The following TAOK2 variants were observed in gnomAD, a reference collection of about 807,000 sequenced individuals.
TAOK2 encodes the protein serine/threonine-protein kinase TAO2.
A neutral mutation model predicts 122.5 loss-of-function variants in TAOK2; 42 were observed. That is an observed-to-expected ratio of 0.34 (90% CI 0.27 to 0.44). The LOEUF (loss-of-function observed/expected upper bound fraction) is 0.44. Ranked by LOEUF, TAOK2 falls within the 20% of genes least tolerant of loss-of-function variation. The pLI is 1.00. For synonymous variants in TAOK2, 704 were observed against 677.6 expected, an observed-to-expected ratio of 1.04 and a Z score of -0.61; for missense variants, 1,264 against 1,644.9, an observed-to-expected ratio of 0.77 and a Z score of 4.01.
At position 29,986,189 on chromosome 16, in the gene TAOK2, C is replaced by A. The variant is rs751681982; in HGVS notation, c.1993-76C>A. The A allele has an allele frequency of 6.7e-7, 1 of 1,498,742 alleles. No homozygotes were observed. The highest frequency in any genetic ancestry group is 8.9e-7 in the Non-Finnish European group (1 of 1,124,860). 92.8% of individuals were successfully genotyped at this position (1,498,742 alleles called of 1,614,324 possible). A position where few individuals can be genotyped will look rare whatever the true frequency, so the allele number is the denominator to read the frequency against. On this transcript the variant is annotated intron_variant, in intron 15 of 15. Coordinates refer to ENST00000308893, the MANE Select transcript of TAOK2 (RefSeq NM_016151.4). The surrounding 1 kb of genome is among the most constrained non-coding windows in gnomAD (Gnocchi z 4.2). ...GTGTTTCTTCCGCCATCCCCAGCTCCCTCTGCCAAGGAGCCCTGGCCTCTC... is the reference window on the plus strand; with the variant it reads ...GTGTTTCTTCCGCCATCCCCAGCTCACTCTGCCAAGGAGCCCTGGCCTCTC...
chr16:29,979,284 A>C lies in TAOK2; in HGVS notation c.539A>C (p.Asn180Thr). The C allele has an allele frequency of 1.2e-6, 2 of 1,613,632 alleles. No individual in the cohort carries two copies. The highest frequency in any genetic ancestry group is 1.7e-6 in the Non-Finnish European group (2 of 1,179,950). The change falls in exon 7 of 16, where the codon AAC (asparagine) becomes ACC (threonine). Residue 180 changes from asparagine (N) to threonine (T), a missense_variant. Around this residue, in one of 4 missense-constraint regions of TAOK2, gnomAD observed 254 missense variants for 503.8 expected, o/e 0.50. Transcript: ENST00000308893. This position sits in a 1 kb window ranked among gnomAD's most constrained non-coding sequence, Gnocchi z 4.1. ...TCTGCGTCCATCATGGCACCTGCCA[A>C]CTCCTTCGTGGGCACCCCATACTGG... ...FGSASIMAPA[N>T]SFVGTPYWMA...
rs372951562 is a variant in TAOK2 at position 29,979,426 on chromosome 16, C to T, written c.573C>T (p.Pro191=). Residue 191 remains proline, a synonymous_variant, in exon 8 of 16, where the codon CCC becomes CCT. Transcript: ENST00000308893. The surrounding 1 kb of genome is among the most constrained non-coding windows in gnomAD (Gnocchi z 4.1). ...SFVGTPYWMA[P]EVILAMDEGQ... is the part of the protein sequence containing the mutation. ...CTGACCATTCTCCTAGGATGGCACCCGAGGTGATCCTGGCCATGGATGAGG... is the reference window on the plus strand; with the variant it reads ...CTGACCATTCTCCTAGGATGGCACCTGAGGTGATCCTGGCCATGGATGAGG... The T allele has an allele frequency of 1.0e-4, 159 of 1,587,470 alleles. No individual in the cohort carries two copies. Among genetic ancestry groups the T allele is most frequent in the Non-Finnish European group, 1.3e-4 (153 of 1,164,690 alleles).
intron 1 of TAOK2, among the ~76,000 whole-genome samples, chr16:29,974,885 G>A (rs1163188481): frequency 6.6e-6 from 1 of 151,994 alleles, no homozygotes; most frequent in Non-Finnish European, 1.5e-5. Flanking sequence ...TGTCACCGGC[G>A]TTCACACCCT....
downstream of TAOK2, chr16:29,990,674 T>A: frequency 9.5e-7 from 1 of 1,055,476 alleles, no homozygotes; most frequent in East Asian, 2.5e-5. Flanking sequence ...TTCTGATAGA[T>A]GTTGAGACCG....
downstream of TAOK2, chr16:29,990,069 T>A (rs1338371793): frequency 1.4e-5 from 6 of 416,420 alleles, no homozygotes; most frequent in Non-Finnish European, 2.6e-5. Flanking sequence ...GTGGCTATTA[T>A]TTTTTTCCTG....
At chr16:29,978,197 G>A (rs1296209644) in intron 3 of TAOK2, 37 bp downstream of exon 3, 4 of 1,613,322 alleles carry the variant, frequency 2.5e-6, no homozygotes, top group Non-Finnish European at 3.4e-6. Flanking sequence ...TGGGGACAGG[G>A]GACTCCTGTC....
At chr16:29,982,987 C>T (rs1276161646) in intron 11 of TAOK2, 85 bp from the exon 12 acceptor site, 1 of 1,604,300 alleles carries the variant, frequency 6.2e-7, no homozygotes, top group Non-Finnish European at 8.5e-7. Context: ...CAGCCCTACT[C>T]ACACCACCAT....
chr16:29,986,931 C>G lies in TAOK2; in HGVS notation c.2659C>G (p.Leu887Val). The change falls in exon 16 of 16, where the codon CTT becomes GTT. Residue 887 changes from leucine to valine, a missense_variant. Physicochemically the swap from Leu to Val is conservative, Grantham distance 32. This residue lies in a region of TAOK2 where 824 missense variants were observed against 908.7 expected (regional missense o/e 0.91). Coordinates refer to ENST00000308893, the MANE Select transcript of TAOK2 (RefSeq NM_016151.4). This position sits in a 1 kb window ranked among gnomAD's most constrained non-coding sequence, Gnocchi z 4.2. ...DESLLDEEFELGWVQGPALTP... is the reference protein window; with the variant it reads ...DESLLDEEFEVGWVQGPALTP... Reference sequence around the variant, plus strand: ...GAGTCTTCTGGATGAGGAGTTTGAGCTTGGCTGGGTCCAGGGCCCAGCACT... The same window carrying G: ...GAGTCTTCTGGATGAGGAGTTTGAGGTTGGCTGGGTCCAGGGCCCAGCACT... 1.2e-6 allele frequency: 2 copies of G among 1,614,080 alleles called. No homozygotes were observed. The highest frequency in any genetic ancestry group is 1.7e-6 in the Non-Finnish European group (2 of 1,179,960).
chr16:29,986,894 G>A lies in TAOK2; in HGVS notation c.2622G>A (p.Gly874=). 6.2e-7 allele frequency: 1 copy of A among 1,614,070 alleles called. No individual in the cohort carries two copies. The highest frequency in any genetic ancestry group is 8.5e-7 in the Non-Finnish European group (1 of 1,179,968). The change falls in exon 16 of 16, where the codon GGG becomes GGA. Residue 874 remains glycine, a synonymous_variant. Coordinates refer to ENST00000308893, the MANE Select transcript of TAOK2 (RefSeq NM_016151.4). This position sits in a 1 kb window ranked among gnomAD's most constrained non-coding sequence, Gnocchi z 4.2. ...AGGCTGGGACATGGAGCTTGTGGGG[G>A]AAGGAGGATGAGAGTCTTCTGGATG... The part of the protein sequence containing the change: ...QEEAGTWSLW[G]KEDESLLDEE...
At chr16:29,988,906 G>C, downstream of TAOK2, 1 of 985,398 alleles carries the variant, frequency 1.0e-6, no homozygotes. Flanking sequence ...CTGGAATGCG[G>C]ATCTGGTCAG....
At position 29,986,750 on chromosome 16, in the gene TAOK2, C is replaced by T; in HGVS notation, c.2478C>T (p.Pro826=). 3.7e-6 allele frequency: 6 copies of T among 1,613,966 alleles called. No individual in the cohort carries two copies. Among genetic ancestry groups the T allele is most frequent in the Non-Finnish European group, 5.1e-6 (6 of 1,179,964 alleles). ...ILGEESGAPS[P]SPQKHGSLVD... ...GGGAAGAATCAGGAGCCCCTAGTCC[C>T]AGTCCACAAAAACATGGGAGCCTGG... Residue 826 remains proline, a synonymous_variant, in exon 16 of 16, where the codon CCC becomes CCT. Coordinates refer to ENST00000308893, the MANE Select transcript of TAOK2 (RefSeq NM_016151.4). This position sits in a 1 kb window ranked among gnomAD's most constrained non-coding sequence, Gnocchi z 4.2.
chr16:29,991,139 T>A, downstream of TAOK2: 1 of 1,610,092 alleles, frequency 6.2e-7, no homozygotes, highest in Non-Finnish European at 8.5e-7. The surrounding 1 kb of genome is among the most constrained non-coding windows in gnomAD (Gnocchi z 5.6). Flanking sequence ...AGGCCTTCGA[T>A]GCGGAAAGCA....
Position 29,979,759 on chromosome 16 carries a change from G to A in TAOK2, c.655+251G>A, listed in dbSNP as rs1003354093. Among the ~76,000 whole-genome samples, 15 of 152,132 alleles carry A rather than the reference G, an allele frequency of 9.9e-5. No individual in the cohort carries two copies. Among genetic ancestry groups the A allele is most frequent in the African/African-American group, 3.4e-4 (14 of 41,424 alleles). On this transcript the variant is annotated intron_variant, in intron 8 of 15. Transcript: ENST00000308893. The surrounding 1 kb of genome is among the most constrained non-coding windows in gnomAD (Gnocchi z 4.1). ...AATCTTTTCTTAGTGCCCACCATGT[G>A]CTGTGCCATGGACTGTGATTCTGGA...
At chr16:29,990,495 G>T (rs2069940677), downstream of TAOK2, 1 of 263,226 alleles carries the variant, frequency 3.8e-6, no homozygotes, top group Non-Finnish European at 7.1e-6. Context: ...TCCATGGTAT[G>T]GCTGTACCAT....
At chr16:29,989,650 C>T (rs868562429), downstream of TAOK2, 1 of 1,614,104 alleles carries the variant, frequency 6.2e-7, no homozygotes, top group Non-Finnish European at 8.5e-7. Context: ...CCAGACTCGG[C>T]AGTACAAGGC....
intron 10 of TAOK2, 73 bp downstream of exon 10, chr16:29,982,013 A>G: frequency 7.9e-7 from 1 of 1,265,608 alleles, no homozygotes; most frequent in South Asian, 1.3e-5. Flanking sequence ...CAGGGAAATT[A>G]GTGGTTCCCA....
In TAOK2 at chr16:29,987,664, G is replaced by C. The variant is rs769306491; in HGVS notation, c.3392G>C (p.Gly1131Ala). The C allele has an allele frequency of 6.2e-7, 1 of 1,613,812 alleles. No homozygotes were observed. The highest frequency in any genetic ancestry group is 2.2e-5 in the East Asian group (1 of 44,872). Residue 1131 changes from glycine to alanine, a missense_variant, in exon 16 of 16, where the codon GGG becomes GCG. Transcript: ENST00000308893. ...DGFRSRLPVPGPRRRNPRTTQ... is the reference protein window; with the variant it reads ...DGFRSRLPVPAPRRRNPRTTQ... ...TTCCGCAGCCGCCTGCCCGTCCCTG[G>C]GCCCCGGCGGCGTAATCCCCGCACC...
At position 29,987,854 on chromosome 16, in the gene TAOK2, C is replaced by T. The variant is rs1596619337; in HGVS notation, c.3582C>T (p.Ile1194=). 10 of 1,610,202 alleles carry T rather than the reference C, an allele frequency of 6.2e-6. No individual in the cohort carries two copies. The highest frequency in any genetic ancestry group is 1.3e-5 in the African/African-American group (1 of 74,900). Residue 1194 remains isoleucine (I), a synonymous_variant, in exon 16 of 16, where the codon ATC becomes ATT. Coordinates refer to ENST00000308893, the MANE Select transcript of TAOK2 (RefSeq NM_016151.4). ...GLLRGERPTR[I]PRLLPRSQRQ... is the part of the protein sequence containing the mutation. ...TTCGGGGTGAACGGCCCACCCGAAT[C>T]CCCCGGCTACTACCACGCAGCCAGC...
chr16:29,975,575 C>A (rs932987689), intron 1 of TAOK2, among the ~76,000 whole-genome samples: 2 of 152,188 alleles, frequency 1.3e-5, no homozygotes, highest in Non-Finnish European at 2.9e-5. Flanking sequence ...TGATGGGAGC[C>A]TCTGGCTTTT....
Sources: gnomAD v4.1 joint callset for allele counts (sites outside exome capture counted in the v4.1 genomes callset) on GRCh38, gnomAD v4.1.1 for gene constraint, gnomAD v4.1.1 regional missense constraint, Gnocchi (gnomAD v3.1) non-coding constraint, MANE v1.5 for transcripts, NCBI Gene and HGNC (gene_info 2026-07-23, HGNC 2026-07-21) for gene names.